ARL6: variants seen among roughly 807,000 people sequenced by gnomAD.
The protein encoded by ARL6 is ARF like GTPase 6.
A neutral mutation model predicts 27.1 loss-of-function variants in ARL6; 18 were observed. The observed-to-expected ratio is 0.66, with a 90% CI of 0.46 to 0.98. The LOEUF (loss-of-function observed/expected upper bound fraction) is 0.98, where lower values mean the gene tolerates loss of function less well. Among genes scored for constraint, ARL6 ranks in the 50% least tolerant of loss-of-function variants. The pLI is 0.00. For synonymous variants in ARL6, 65 were observed against 72.3 expected (o/e 0.90, Z 0.51); for missense variants, 187 against 214.9 (o/e 0.87, Z 0.81).
chr3:97,792,263 G>A (rs563297587), intron 7 of ARL6, among the ~76,000 whole-genome samples: 1 of 152,282 alleles, frequency 6.6e-6, no homozygotes, highest in South Asian at 2.1e-4. Context: ...GGAGGCCGAG[G>A]CAGGCGGATC....
intron 2 of ARL6, among the ~76,000 whole-genome samples, chr3:97,769,134 T>G (rs1338431287): frequency 1.3e-5 from 2 of 152,124 alleles, no homozygotes; most frequent in Non-Finnish European, 2.9e-5. Context: ...TAAAATTGTC[T>G]CATTTTTGTG....
intron 4 of ARL6, among the ~76,000 whole-genome samples, chr3:97,784,027 C>T (rs1435728054): frequency 1.3e-5 from 2 of 151,736 alleles, no homozygotes; most frequent in Non-Finnish European, 3.0e-5. Context: ...AAATGTTACT[C>T]CTAACATTTC....
chr3:97,787,335 A>G (rs769196354), intron 5 of ARL6, among the ~76,000 whole-genome samples: 30 of 152,186 alleles, frequency 2.0e-4, no homozygotes, highest in Non-Finnish European at 1.3e-4. Flanking sequence ...TGAAAATAAT[A>G]TATAATAATT....
Position 97,765,211 on chromosome 3 carries a change from G to GGGGTGTGTGTGT in ARL6, c.-28+235_-28+236insGGTGTGTGTGTG, listed in dbSNP as rs373304649. Among the ~76,000 whole-genome samples the GGGGTGTGTGTGT allele has an allele frequency of 1.1e-4, 12 of 105,614 alleles. No homozygotes were observed. In the East Asian group the frequency reaches 3.6e-3, roughly 32 times the overall value. The allele number at this position is 105,614 out of a possible 152,430, so 69.3% of individuals were successfully genotyped here. On this transcript the variant is annotated intron_variant, in intron 1 of 7. Coordinates refer to ENST00000463745, the MANE Select transcript of ARL6 (RefSeq NM_001278293.3). ...GCTCAACTTAGACCCGTGTATTGGG[G>GGGGTGTGTGTGT]GTGTGTGTGTGTGTGTGTGTGTGTG...
At chr3:97,778,243 T>C (rs1489830227) in intron 2 of ARL6, among the ~76,000 whole-genome samples, 1 of 152,136 alleles carries the variant, frequency 6.6e-6, no homozygotes, top group African/African-American at 2.4e-5. Flanking sequence ...GGCAGGAATC[T>C]TAGTGGCAGG....
intron 6 of ARL6, chr3:97,791,148 T>G (rs1187803899): frequency 6.6e-6 from 1 of 152,260 alleles, no homozygotes; most frequent in Non-Finnish European, 1.5e-5. Context: ...TTTATATACA[T>G]ACCTCAAGTA....
intron 2 of ARL6, among the ~76,000 whole-genome samples, chr3:97,776,872 T>C (rs1220601377): frequency 6.6e-6 from 1 of 152,232 alleles, no homozygotes; most frequent in Non-Finnish European, 1.5e-5. Context: ...TTGGCCTGGC[T>C]GGTCTTGAAC....
chr3:97,775,459 G>C (rs1349089391), intron 2 of ARL6, among the ~76,000 whole-genome samples: 1 of 148,174 alleles, frequency 6.7e-6, no homozygotes, highest in Non-Finnish European at 1.5e-5. Context: ...GCCTTTTCAG[G>C]TTTTTTTTTT....
intron 7 of ARL6, among the ~76,000 whole-genome samples, chr3:97,792,662 T>TTGG (rs1265611935): frequency 6.6e-6 from 1 of 152,182 alleles, no homozygotes; most frequent in African/African-American, 2.4e-5. Context: ...TGGTACAGGC[T>TTGG]TACTATATTA....
chr3:97,792,494 A>G (rs2037789037), intron 7 of ARL6, among the ~76,000 whole-genome samples: 1 of 152,202 alleles, frequency 6.6e-6, no homozygotes, highest in Non-Finnish European at 1.5e-5. Flanking sequence ...GAAAAAAAGA[A>G]GAAGAATCAT....
intron 5 of ARL6, among the ~76,000 whole-genome samples, chr3:97,786,646 T>A (rs1025197890): frequency 3.3e-5 from 5 of 152,092 alleles, no homozygotes. Context: ...AATCTTTGAA[T>A]AGCAAAATGT....
At chr3:97,796,608 C>G (rs2038016747) in intron 7 of ARL6, among the ~76,000 whole-genome samples, 1 of 152,102 alleles carries the variant, frequency 6.6e-6, no homozygotes, top group African/African-American at 2.4e-5. Flanking sequence ...TGACAGGCCT[C>G]TCAAGAGCTC....
chr3:97,773,815 A>G (rs1189826771), intron 2 of ARL6, among the ~76,000 whole-genome samples: 1 of 152,238 alleles, frequency 6.6e-6, no homozygotes, highest in Admixed American at 6.5e-5. Context: ...CACAGCTGGT[A>G]TTGATGACTA....
chr3:97,781,979 A>T (rs1305823973), intron 4 of ARL6, among the ~76,000 whole-genome samples: 1 of 151,448 alleles, frequency 6.6e-6, no homozygotes, highest in African/African-American at 2.4e-5. Flanking sequence ...ATTTATTCAA[A>T]TTTTTTTTTC....
chr3:97,786,472 T>C (rs1167996242), intron 5 of ARL6, among the ~76,000 whole-genome samples: 1 of 152,248 alleles, frequency 6.6e-6, no homozygotes, highest in Non-Finnish European at 1.5e-5. Context: ...AAATAGTTCC[T>C]ATAAAATATA....
At chr3:97,786,683 G>A (rs574044009) in intron 5 of ARL6, among the ~76,000 whole-genome samples, 17 of 152,188 alleles carry the variant, frequency 1.1e-4, no homozygotes, top group African/African-American at 4.1e-4. Context: ...GACAATGACA[G>A]GCAAGGGAAA....
rs1559679965 is a variant in ARL6, at chr3:97,780,221, G to A, written c.185+1G>A. On this transcript the variant is annotated splice_donor_variant, in intron 3 of 7. Transcript: ENST00000463745. LOFTEE classifies it high-confidence loss of function. ...GCATAGAGAAATTCAAATCATCCAGGTAATCCACTTTATCCCTTAACAAAA... is the reference window on the plus strand; with the variant it reads ...GCATAGAGAAATTCAAATCATCCAGATAATCCACTTTATCCCTTAACAAAA... The A allele has an allele frequency of 6.2e-7, 1 of 1,609,940 alleles. No homozygotes were observed. The highest frequency in any genetic ancestry group is 8.5e-7 in the Non-Finnish European group (1 of 1,176,994).
chr3:97,771,702 T>C (rs2036643999), intron 2 of ARL6, among the ~76,000 whole-genome samples: 1 of 151,246 alleles, frequency 6.6e-6, no homozygotes, highest in Admixed American at 6.6e-5. Context: ...TTGTTTGAGG[T>C]ATGGTTCTTT....
intron 7 of ARL6, among the ~76,000 whole-genome samples, chr3:97,797,708 T>C (rs2038069900): frequency 6.6e-6 from 1 of 152,178 alleles, no homozygotes. Flanking sequence ...ACTAGTTGAC[T>C]CTATGCAAAT....
Sources: gnomAD v4.1 joint callset for allele counts (sites outside exome capture counted in the v4.1 genomes callset) on GRCh38, gnomAD v4.1.1 for gene constraint, MANE v1.5 for transcripts, NCBI Gene and HGNC (gene_info 2026-07-23, HGNC 2026-07-21) for gene names.